CDC42BPB: variants seen among roughly 807,000 people sequenced by gnomAD.
The protein encoded by CDC42BPB is CDC42 binding protein kinase beta.
CDC42BPB carries 37 observed loss-of-function variants against 214.9 expected under a neutral mutation model. The ratio of observed to expected loss-of-function variants is 0.17; its 90% CI spans 0.13 to 0.23. The LOEUF (loss-of-function observed/expected upper bound fraction) is 0.23, where lower values mean the gene tolerates loss of function less well. CDC42BPB is among the 10% of genes least tolerant of loss of function. CDC42BPB has a pLI of 1.00. For missense variants in CDC42BPB, 1,694 were observed against 2,227.0 expected, an observed-to-expected ratio of 0.76 and a Z score of 4.82; for synonymous variants, 931 against 884.0, an observed-to-expected ratio of 1.05 and a Z score of -0.94.
Position 102,954,291 on chromosome 14 carries a change from G to C in CDC42BPB, c.2989-16C>G. 4 of 1,511,468 alleles carry C rather than the reference G, an allele frequency of 2.6e-6. No individual in the cohort carries two copies. Among genetic ancestry groups the C allele is most frequent in the Non-Finnish European group, 3.5e-6 (4 of 1,131,554 alleles). 93.6% of individuals were successfully genotyped at this position (1,511,468 alleles called of 1,614,324 possible). A position where few individuals can be genotyped will look rare whatever the true frequency, so the allele number is the denominator to read the frequency against. ...GAGCCATGTCCTGGGAGACAAGCAG[G>C]ACAGGTGAGTGTCGGCCCAGCTCAG... On this transcript the variant is annotated splice_polypyrimidine_tract_variant and intron_variant, in intron 22 of 36. Transcript: ENST00000361246.
intron 1 of CDC42BPB, among the ~76,000 whole-genome samples, chr14:103,055,352 G>A (rs1046408307): frequency 4.6e-5 from 7 of 152,226 alleles, no homozygotes; most frequent in African/African-American, 1.7e-4. Flanking sequence ...GAACCCAGGA[G>A]ATGGAGGTTG....
chr14:102,954,873 C>T (rs896440008), intron 21 of CDC42BPB, 185 bp from the exon 22 acceptor site: 12 of 965,482 alleles, frequency 1.2e-5, no homozygotes, highest in African/African-American at 3.5e-5. Flanking sequence ...CCCAGCTGGC[C>T]GGCCTGCCCT....
intron 24 of CDC42BPB, among the ~76,000 whole-genome samples, chr14:102,951,038 G>C (rs931784134): frequency 6.6e-6 from 1 of 152,158 alleles, no homozygotes; most frequent in Non-Finnish European, 1.5e-5. Context: ...CACCCAAAAA[G>C]GTAAGAACAG....
chr14:102,963,300 A>G, intron 19 of CDC42BPB, 145 bp from the exon 20 acceptor site: 1 of 1,381,508 alleles, frequency 7.2e-7, no homozygotes. Context: ...GGGCCTTTCT[A>G]CTGCAAACAC....
chr14:102,940,068 G>A lies in CDC42BPB; in HGVS notation c.4569C>T (p.Ile1523=), dbSNP rs1007502027. ...CACCCGAGAACTTGCTCTTGAAGTA[G>A]ATCAAGCGTGGAGGCTCGCAGTTGA... ...NLLNCEPPRL[I]YFKSKFSGAV... Residue 1523 remains isoleucine, a synonymous_variant, in exon 32 of 37, where the codon ATC becomes ATT. Coordinates refer to ENST00000361246, the MANE Select transcript of CDC42BPB (RefSeq NM_006035.4). 1 of 1,614,022 alleles carries A rather than the reference G, an allele frequency of 6.2e-7. No individual in the cohort carries two copies. Among genetic ancestry groups the A allele is most frequent in the African/African-American group, 1.3e-5 (1 of 75,066 alleles).
chr14:102,975,032 C>T (rs1389475835), intron 11 of CDC42BPB, among the ~76,000 whole-genome samples: 1 of 152,202 alleles, frequency 6.6e-6, no homozygotes, highest in Non-Finnish European at 1.5e-5. Flanking sequence ...AAAGTGGTGA[C>T]AGCAGGTCTA....
intron 11 of CDC42BPB, 115 bp downstream of exon 11, chr14:102,975,569 T>C: frequency 8.8e-7 from 1 of 1,133,598 alleles, no homozygotes; most frequent in Non-Finnish European, 1.3e-6. Context: ...ATAAGCTTGC[T>C]AAAGCCTAAG....
chr14:103,041,982 GAATTTCAAAGCC>G, intron 1 of CDC42BPB: 1 of 330,532 alleles, frequency 3.0e-6, no homozygotes, highest in Non-Finnish European at 6.1e-6. Flanking sequence ...CCGAGGAGAA[GAATTTCAAAGCC>G]TTCGCTAGTC....
chr14:102,981,840 C>G (rs1021922988), intron 7 of CDC42BPB, among the ~76,000 whole-genome samples: 26 of 152,310 alleles, frequency 1.7e-4, no homozygotes, highest in African/African-American at 6.0e-4. Flanking sequence ...TAGAAAGACA[C>G]CACAGATACA....
chr14:102,948,618 G>A (rs1210437352), intron 26 of CDC42BPB, among the ~76,000 whole-genome samples: 1 of 71,444 alleles, frequency 1.4e-5, no homozygotes, highest in Admixed American at 1.3e-4. Context: ...GAGGTGGGGG[G>A]GTGGCTGTGG....
At chr14:103,013,124 C>A (rs943847709) in intron 1 of CDC42BPB, among the ~76,000 whole-genome samples, 2 of 152,212 alleles carry the variant, frequency 1.3e-5, no homozygotes, top group Admixed American at 1.3e-4. Flanking sequence ...TAGGTGAACA[C>A]CTATCGAGAG....
At chr14:102,947,833 G>A in intron 26 of CDC42BPB, 31 bp from the exon 27 acceptor site, 1 of 1,611,308 alleles carries the variant, frequency 6.2e-7, no homozygotes, top group East Asian at 2.2e-5. Flanking sequence ...ACCCCGCTGG[G>A]AGACACGCGC....
At chr14:102,947,968 C>A (rs1330382147) in intron 26 of CDC42BPB, 166 bp from the exon 27 acceptor site, 1 of 983,846 alleles carries the variant, frequency 1.0e-6, no homozygotes, top group East Asian at 1.2e-4. Flanking sequence ...GCAGGGCCAA[C>A]AAACTCAAGA....
intron 1 of CDC42BPB, among the ~76,000 whole-genome samples, chr14:103,015,550 T>A (rs573601863): frequency 6.6e-6 from 1 of 152,294 alleles, no homozygotes; most frequent in Admixed American, 6.5e-5. Context: ...GAAAGCCGCA[T>A]CACAGTAGCA....
Position 103,036,912 on chromosome 14 carries a change from G to A in CDC42BPB, c.175+20087C>T, listed in dbSNP as rs181147603. Among the ~76,000 whole-genome samples, 1,119 of 152,180 alleles carry A rather than the reference G, an allele frequency of 7.4e-3. 15 individuals are homozygous for A. The highest frequency in any genetic ancestry group is 0.011 in the Non-Finnish European group (734 of 68,016). ...GTTCACTGCAGCCTCGACCTCCCAG[G>A]CTCAAGCAATTCTCCTGCCTCAGCC... On this transcript the variant is annotated intron_variant, in intron 1 of 36. Coordinates refer to ENST00000361246, the MANE Select transcript of CDC42BPB (RefSeq NM_006035.4).
At chr14:102,938,035 A>G (rs1891717360) in intron 36 of CDC42BPB, 69 bp downstream of exon 36, 11 of 1,531,742 alleles carry the variant, frequency 7.2e-6, no homozygotes, top group Non-Finnish European at 9.0e-6. Flanking sequence ...AGGGCCCCAG[A>G]TCTTCGGGCT....
chr14:102,995,229 C>T (rs28689806), intron 5 of CDC42BPB, among the ~76,000 whole-genome samples: 11,644 of 151,460 alleles, frequency 0.077, 1,087 homozygotes, highest in African/African-American at 0.22. Context: ...GGCTGGAGTG[C>T]AATGGCGCGA....
At chr14:102,951,444 G>C (rs547375806) in intron 24 of CDC42BPB, among the ~76,000 whole-genome samples, 6 of 152,296 alleles carry the variant, frequency 3.9e-5, no homozygotes, top group African/African-American at 1.4e-4. Context: ...CACTGAGGGG[G>C]TAAGAGCATG....
In CDC42BPB at chr14:102,946,558, G is replaced by A. The variant is rs771945943; in HGVS notation, c.3658C>T (p.Arg1220Trp). 8 of 1,612,624 alleles carry A rather than the reference G, an allele frequency of 5.0e-6. No individual in the cohort carries two copies. Among genetic ancestry groups the A allele is most frequent in the Admixed American group, 3.3e-5 (2 of 59,994 alleles). ...EGLQSILHKN[R>W]LRNQVVHVPL... ...ACATGCACGACCTGATTCCTCAGCCGGTTTTTATGAAGGATGGACTGGAGT... is the reference window on the plus strand; with the variant it reads ...ACATGCACGACCTGATTCCTCAGCCAGTTTTTATGAAGGATGGACTGGAGT... The change falls in exon 28 of 37, where the codon CGG (arginine) becomes TGG (tryptophan). Residue 1220 changes from arginine to tryptophan, a missense_variant. Physicochemically the swap from Arg to Trp is moderately radical, Grantham distance 101. This residue lies in a region of CDC42BPB where 567 missense variants were observed against 790.3 expected (regional missense o/e 0.72). Transcript: ENST00000361246.
Sources: gnomAD v4.1 joint callset for allele counts (sites outside exome capture counted in the v4.1 genomes callset) on GRCh38, gnomAD v4.1.1 for gene constraint, gnomAD v4.1.1 regional missense constraint, MANE v1.5 for transcripts, NCBI Gene and HGNC (gene_info 2026-07-23, HGNC 2026-07-21) for gene names.